Variants in ZC3H3 observed in about 807,000 individuals in gnomAD.
ZC3H3 encodes zinc finger CCCH-type containing 3, also known as zinc finger CCCH domain-containing protein 3.
Under a neutral mutation model 77.3 loss-of-function variants are expected in ZC3H3, and 36 were observed. The observed-to-expected ratio is 0.47, with a 90% CI of 0.36 to 0.61. The LOEUF (loss-of-function observed/expected upper bound fraction) is 0.61. ZC3H3 is among the 20% of genes least tolerant of loss of function. ZC3H3 has a pLI of 0.00. For missense variants in ZC3H3, 1,331 were observed against 1,312.2 expected (o/e 1.01, Z -0.22); for synonymous variants, 626 against 555.2 (o/e 1.13, Z -1.79).
At chr8:143,537,565 C>A (rs1002783749) in intron 2 of ZC3H3, among the ~76,000 whole-genome samples, 6 of 152,232 alleles carry the variant, frequency 3.9e-5, no homozygotes, top group Non-Finnish European at 7.4e-5. Context: ...AGCACAGACC[C>A]GTGGCCGGCA....
At chr8:143,471,920 C>T (rs1253515759) in intron 5 of ZC3H3, among the ~76,000 whole-genome samples, 5 of 152,246 alleles carry the variant, frequency 3.3e-5, no homozygotes, top group South Asian at 2.1e-4. Context: ...GAGGCGGGGC[C>T]GGTGGTGGCC....
chr8:143,484,708 C>T (rs1307462939), intron 4 of ZC3H3: 2 of 251,142 alleles, frequency 8.0e-6, no homozygotes, highest in African/African-American at 2.3e-5. Flanking sequence ...GCTGGGTCAT[C>T]GGCCCAGGAC....
At chr8:143,468,562 C>G (rs1229343425) in intron 6 of ZC3H3, 22 bp from the exon 7 acceptor site, 1 of 1,602,694 alleles carries the variant, frequency 6.2e-7, no homozygotes, top group African/African-American at 1.3e-5. Flanking sequence ...GAGAGAGGTG[C>G]GTGAGCCTGA....
intron 5 of ZC3H3, among the ~76,000 whole-genome samples, chr8:143,473,340 TCATGAGA>T (rs1178136262): frequency 6.6e-6 from 1 of 152,144 alleles, no homozygotes; most frequent in Non-Finnish European, 1.5e-5. Flanking sequence ...AGTTTTCAGC[TCATGAGA>T]AAGGCCTCCC....
chr8:143,528,671 G>A (rs969176753), intron 3 of ZC3H3, among the ~76,000 whole-genome samples: 1 of 152,242 alleles, frequency 6.6e-6, no homozygotes, highest in Non-Finnish European at 1.5e-5. Context: ...TCAGGGCAGG[G>A]AGCCCTGTGT....
chr8:143,486,385 G>T (rs1364382281), intron 4 of ZC3H3, among the ~76,000 whole-genome samples: 1 of 152,226 alleles, frequency 6.6e-6, no homozygotes, highest in Non-Finnish European at 1.5e-5. Flanking sequence ...TTCTGGTGAG[G>T]TCTCCCTTCC....
intron 3 of ZC3H3, among the ~76,000 whole-genome samples, chr8:143,513,749 G>A (rs985916281): frequency 6.6e-6 from 1 of 152,220 alleles, no homozygotes; most frequent in Non-Finnish European, 1.5e-5. Context: ...TCCTGGGACA[G>A]GAGGCTCTGC....
intron 4 of ZC3H3, among the ~76,000 whole-genome samples, chr8:143,483,756 T>A (rs575480276): frequency 6.6e-6 from 1 of 152,142 alleles, no homozygotes; most frequent in Non-Finnish European, 1.5e-5. Flanking sequence ...AACTTACTCC[T>A]CACAAGTCTG....
At chr8:143,461,904 T>G (rs912533026) in intron 9 of ZC3H3, among the ~76,000 whole-genome samples, 1 of 151,336 alleles carries the variant, frequency 6.6e-6, no homozygotes, top group South Asian at 2.1e-4. Flanking sequence ...CTAAGTTTAC[T>G]CAAACCCACA....
intron 4 of ZC3H3, among the ~76,000 whole-genome samples, chr8:143,478,402 G>A (rs1015276269): frequency 6.6e-6 from 1 of 152,222 alleles, no homozygotes; most frequent in Non-Finnish European, 1.5e-5. Flanking sequence ...GGGGTCAGCA[G>A]GCACTGGAAG....
chr8:143,471,643 G>C lies in ZC3H3; in HGVS notation c.1904-2984C>G, dbSNP rs911635479. Reference sequence around the variant, plus strand: ...TGGAGCTCAGGCCTTCAGGTGGCAGGCGGGCCCAGGAGGGAGGGCTCGGCT... The same window carrying C: ...TGGAGCTCAGGCCTTCAGGTGGCAGCCGGGCCCAGGAGGGAGGGCTCGGCT... On this transcript the variant is annotated intron_variant, in intron 5 of 11. Coordinates refer to ENST00000262577, the MANE Select transcript of ZC3H3 (RefSeq NM_015117.3). 8.5e-5 allele frequency among the ~76,000 whole-genome samples: 13 copies of C among 152,236 alleles called. No homozygotes were observed. In the South Asian group the frequency reaches 1.2e-3, roughly 15 times the overall value.
At position 143,532,227 on chromosome 8, in the gene ZC3H3, G is replaced by GCAAT. The variant is rs888188686; in HGVS notation, c.1561+4029_1561+4030insATTG. Among the ~76,000 whole-genome samples, 31 of 20,376 alleles carry GCAAT rather than the reference G, an allele frequency of 1.5e-3. No homozygotes were observed. In the South Asian group the frequency reaches 0.15, roughly 100 times the overall value. 13.4% of individuals were successfully genotyped at this position (20,376 alleles called of 152,430 possible). On this transcript the variant is annotated intron_variant, in intron 3 of 11. Transcript: ENST00000262577. ...TTCTTTCACATAAAAAGGAAATTAC[G>GCAAT]CGATTACCAAAAAAGGGTGGACGGA...
At chr8:143,464,536 TGTGCACAGGAAGGAGTGC>T (rs937478167) in intron 9 of ZC3H3, among the ~76,000 whole-genome samples, 4 of 152,078 alleles carry the variant, frequency 2.6e-5, no homozygotes, top group African/African-American at 9.7e-5. Flanking sequence ...CACAGAACGC[TGTGCACAGGAAGGAGTGC>T]GTGGCCCAGC....
chr8:143,539,984 C>T (rs924571598), intron 1 of ZC3H3, among the ~76,000 whole-genome samples: 10 of 152,330 alleles, frequency 6.6e-5, no homozygotes, highest in African/African-American at 1.9e-4. Context: ...CAGGCAAGGG[C>T]GGCAGCAGCC....
chr8:143,536,482 A>G, intron 2 of ZC3H3, 29 bp from the exon 3 acceptor site: 1 of 1,469,774 alleles, frequency 6.8e-7, no homozygotes, highest in African/African-American at 1.4e-5. Context: ...GGCAGCTCTC[A>G]ACAAGCCCTG....
chr8:143,535,360 G>A lies in ZC3H3; in HGVS notation c.1561+897C>T, dbSNP rs571705757. Among the ~76,000 whole-genome samples, 17 of 152,208 alleles carry A rather than the reference G, an allele frequency of 1.1e-4. No individual in the cohort carries two copies. In the East Asian group the frequency reaches 3.1e-3, roughly 28 times the overall value. On this transcript the variant is annotated intron_variant, in intron 3 of 11. Coordinates refer to ENST00000262577, the MANE Select transcript of ZC3H3 (RefSeq NM_015117.3). The stretch of plus-strand genomic sequence containing the variant: ...AGCCTTGGCTAGATTTCTGAGCACC[G>A]GTTCCCAGTCGGAGTGCCCAGGTCC...
chr8:143,534,024 C>A (rs1343087208), intron 3 of ZC3H3, among the ~76,000 whole-genome samples: 4 of 151,968 alleles, frequency 2.6e-5, no homozygotes, highest in African/African-American at 9.7e-5. Flanking sequence ...TGGCTCACAC[C>A]TGTAATCCCA....
intron 3 of ZC3H3, among the ~76,000 whole-genome samples, chr8:143,534,995 A>C (rs2130510556): frequency 6.6e-6 from 1 of 150,888 alleles, no homozygotes; most frequent in East Asian, 1.9e-4. Context: ...GCCCAGGCCC[A>C]GCTCCTTCCA....
chr8:143,518,239 C>T (rs994200154), intron 3 of ZC3H3, among the ~76,000 whole-genome samples: 1 of 152,046 alleles, frequency 6.6e-6, no homozygotes, highest in Non-Finnish European at 1.5e-5. Context: ...CAGCCTAACC[C>T]AGGGAGCCCG....
Sources: gnomAD v4.1 joint callset for allele counts (sites outside exome capture counted in the v4.1 genomes callset) on GRCh38, gnomAD v4.1.1 for gene constraint, MANE v1.5 for transcripts, NCBI Gene and HGNC (gene_info 2026-07-23, HGNC 2026-07-21) for gene names.